Variants in UBE3A observed in about 807,000 individuals in gnomAD.
UBE3A encodes the protein ubiquitin protein ligase E3A.
Under a neutral mutation model 83.4 loss-of-function variants are expected in UBE3A, and 6 were observed. The observed-to-expected ratio is 0.07, with a 90% CI of 0.04 to 0.14. The LOEUF is 0.14. UBE3A is among the 10% of genes least tolerant of loss of function. UBE3A has a pLI of 1.00. For synonymous variants in UBE3A, 337 were observed against 355.4 expected (o/e 0.95, Z 0.58); for missense variants, 456 against 1,036.1 (o/e 0.44, Z 7.69).
intron 1 of UBE3A, among the ~76,000 whole-genome samples, chr15:25,436,014 C>G (rs187067363): frequency 5.9e-5 from 9 of 152,100 alleles, no homozygotes; most frequent in Non-Finnish European, 8.8e-5. Flanking sequence ...TTTCACCAAC[C>G]CATTTTACAG....
At chr15:25,398,133 A>G (rs967396510) in intron 4 of UBE3A, among the ~76,000 whole-genome samples, 3 of 134,644 alleles carry the variant, frequency 2.2e-5, no homozygotes, top group Non-Finnish European at 3.0e-5. Flanking sequence ...ATGCTACTAC[A>G]CTCCAGCCTG....
intron 4 of UBE3A, among the ~76,000 whole-genome samples, chr15:25,394,661 T>C (rs78584605): frequency 0.011 from 1,614 of 152,274 alleles, 24 homozygotes; most frequent in Middle Eastern, 0.034. Context: ...ACTTGCTACA[T>C]GGTAAATGCT....
At chr15:25,408,480 A>C (rs1297584015) in intron 3 of UBE3A, 1 of 1,170,570 alleles carries the variant, frequency 8.5e-7, no homozygotes, top group South Asian at 1.3e-5. Flanking sequence ...CAATAACCAA[A>C]TAACATTGGA....
chr15:25,410,807 T>C (rs1011818582), intron 2 of UBE3A, among the ~76,000 whole-genome samples: 1 of 152,152 alleles, frequency 6.6e-6, no homozygotes, highest in African/African-American at 2.4e-5. Context: ...TAACTATACA[T>C]TGCCTAATAA....
At chr15:25,385,783 A>G (rs972010578) in intron 4 of UBE3A, among the ~76,000 whole-genome samples, 1 of 152,126 alleles carries the variant, frequency 6.6e-6, no homozygotes, top group Non-Finnish European at 1.5e-5. Context: ...GAAATCCTGA[A>G]GTGTAATAGA....
rs189319235 is a variant in UBE3A at position 25,360,367 on chromosome 15, T to C, written c.1753+16A>G. 6.2e-7 allele frequency: 1 copy of C among 1,613,436 alleles called. No homozygotes were observed. The highest frequency in any genetic ancestry group is 2.2e-5 in the East Asian group (1 of 44,788). On this transcript the variant is annotated intron_variant, in intron 7 of 12. Coordinates refer to ENST00000648336, the MANE Select transcript of UBE3A (RefSeq NM_130839.5). Reference sequence around the variant, plus strand: ...AAGATGATACGACACCATAATCACATTACTAATGTATTTACCAATATCTGG... The same window carrying C: ...AAGATGATACGACACCATAATCACACTACTAATGTATTTACCAATATCTGG...
rs1415634083 is a variant in UBE3A, at chr15:25,356,989, T to C, written c.1754-93A>G. 7.8e-6 allele frequency: 8 copies of C among 1,020,206 alleles called. No individual in the cohort carries two copies. In the African/African-American group the frequency reaches 9.8e-5, roughly 13 times the overall value. 63.2% of individuals were successfully genotyped at this position (1,020,206 alleles called of 1,614,324 possible). The stretch of plus-strand genomic sequence containing the variant: ...TATAAACTTAAAATAATTATGCATA[T>C]AAAACATTTAAAATATATGTAATTA... On this transcript the variant is annotated intron_variant, in intron 7 of 12. Transcript: ENST00000648336.
chr15:25,427,910 A>G (rs781340049), intron 1 of UBE3A, among the ~76,000 whole-genome samples: 3 of 152,178 alleles, frequency 2.0e-5, no homozygotes, highest in Non-Finnish European at 4.4e-5. Context: ...CTATAAAAAT[A>G]AGAATAAAAC....
intron 6 of UBE3A, among the ~76,000 whole-genome samples, chr15:25,369,369 AGT>A: frequency 6.9e-6 from 1 of 145,406 alleles, no homozygotes. Flanking sequence ...AAAACAAACC[AGT>A]AACAAAAAAA....
intron 11 of UBE3A, among the ~76,000 whole-genome samples, chr15:25,347,931 GTT>G (rs1206742848): frequency 6.6e-6 from 1 of 152,008 alleles, no homozygotes; most frequent in Non-Finnish European, 1.5e-5. Context: ...GAGACTAACA[GTT>G]TTTATTAAAA....
chr15:25,390,417 T>C (rs868293151), intron 4 of UBE3A, among the ~76,000 whole-genome samples: 7 of 152,320 alleles, frequency 4.6e-5, no homozygotes, highest in African/African-American at 1.7e-4. Flanking sequence ...TAGGTGAATA[T>C]TCATTCACAA....
intron 4 of UBE3A, among the ~76,000 whole-genome samples, chr15:25,398,812 T>TAA (rs2086357419): frequency 1.4e-5 from 1 of 69,448 alleles, no homozygotes; most frequent in Non-Finnish European, 3.0e-5. Flanking sequence ...TATATATATA[T>TAA]ATAAAAATAC....
At chr15:25,394,533 G>A (rs544290214) in intron 4 of UBE3A, among the ~76,000 whole-genome samples, 8 of 152,238 alleles carry the variant, frequency 5.3e-5, no homozygotes, top group African/African-American at 1.2e-4. Flanking sequence ...TAAGTACACC[G>A]AAGAAGTCAT....
chr15:25,398,798 TATATATATATATATATAAAAATAC>T (rs1322771748), intron 4 of UBE3A, among the ~76,000 whole-genome samples: 1 of 81,232 alleles, frequency 1.2e-5, no homozygotes, highest in Non-Finnish European at 2.6e-5. Flanking sequence ...TATATATATA[TATATATATATATATATAAAAATAC>T]ATATATATCC....
intron 5 of UBE3A, chr15:25,373,918 T>G (rs2080745368): frequency 6.6e-6 from 1 of 152,196 alleles, no homozygotes; most frequent in Non-Finnish European, 1.5e-5. Flanking sequence ...TTTATAAGAT[T>G]TCTTGTGATA....
At chr15:25,375,850 C>T (rs1248235525) in intron 4 of UBE3A, 87 bp from the exon 5 acceptor site, 1 of 1,496,486 alleles carries the variant, frequency 6.7e-7, no homozygotes, top group African/African-American at 1.4e-5. Flanking sequence ...AAAAGTTAGT[C>T]AAGCACTGAA....
intron 4 of UBE3A, among the ~76,000 whole-genome samples, chr15:25,396,992 T>G (rs2085732904): frequency 6.6e-6 from 1 of 152,192 alleles, no homozygotes; most frequent in Non-Finnish European, 1.5e-5. Flanking sequence ...GACAGTTAGC[T>G]CTGAGGTAAA....
In UBE3A at chr15:25,339,055, C is replaced by A; in HGVS notation, c.*82G>T. On this transcript the variant is annotated 3_prime_UTR_variant, in exon 13 of 13. Coordinates refer to ENST00000648336, the MANE Select transcript of UBE3A (RefSeq NM_130839.5). ...GACACTATCACCACCAAAAATTTAT[C>A]CCTCGTTATATTTTTAAAATTTTTT... The A allele has an allele frequency of 2.8e-6, 4 of 1,409,362 alleles. No individual in the cohort carries two copies. The highest frequency in any genetic ancestry group is 2.8e-5 in the Admixed American group (1 of 35,364). The allele number at this position is 1,409,362 out of a possible 1,614,324, so 87.3% of individuals were successfully genotyped here. A position where few individuals can be genotyped will look rare whatever the true frequency, so the allele number is the denominator to read the frequency against.
At chr15:25,424,701 AG>A (rs1890821889) in intron 1 of UBE3A, among the ~76,000 whole-genome samples, 1 of 152,218 alleles carries the variant, frequency 6.6e-6, no homozygotes, top group Non-Finnish European at 1.5e-5. Context: ...CACAAGTTTT[AG>A]TACACAAAAA....
Sources: gnomAD v4.1 joint callset for allele counts (sites outside exome capture counted in the v4.1 genomes callset) on GRCh38, gnomAD v4.1.1 for gene constraint, MANE v1.5 for transcripts, NCBI Gene and HGNC (gene_info 2026-07-23, HGNC 2026-07-21) for gene names.